The following ABCC12 variants were observed in gnomAD, a reference collection of about 807,000 sequenced individuals.
The protein encoded by ABCC12 is ATP binding cassette subfamily C member 12, also known as ATP-binding cassette sub-family C member 12.
Under a neutral mutation model 151.1 loss-of-function variants are expected in ABCC12, and 142 were observed. The ratio of observed to expected loss-of-function variants is 0.94; its 90% CI spans 0.82 to 1.08. The LOEUF (loss-of-function observed/expected upper bound fraction) is 1.08. Among genes scored for constraint, ABCC12 ranks in the 50% least tolerant of loss-of-function variants. The pLI is 0.00. For missense variants in ABCC12, 1,638 were observed against 1,691.1 expected (o/e 0.97, Z 0.55); for synonymous variants, 645 against 646.4 (o/e 1.00, Z 0.03).
In ABCC12 at chr16:48,139,258, T is replaced by C. The variant is rs140498747; in HGVS notation, c.736A>G (p.Ile246Val). ...TACGCCGCACAAAAGACCATTAGGA[T>C]CGGGATGGTGGCTGGCAAAGGACAA... is the stretch of plus-strand genomic sequence containing the variant. The part of the protein sequence containing the change: ...LFCPLPATIP[I>V]LMVFCAAYAF... Residue 246 changes from isoleucine to valine, a missense_variant, in exon 7 of 31, where the codon ATC becomes GTC. By Grantham distance (29) the Ile-to-Val change is conservative. Transcript: ENST00000311303. 2.4e-4 allele frequency: 388 copies of C among 1,613,896 alleles called. 1 individual carries two copies. The highest frequency in any genetic ancestry group is 2.8e-4 in the Non-Finnish European group (325 of 1,180,010).
chr16:48,084,962 G>A (rs547784824), intron 29 of ABCC12, among the ~76,000 whole-genome samples: 3 of 152,128 alleles, frequency 2.0e-5, no homozygotes, highest in African/African-American at 7.2e-5. Context: ...GTGAAAGGGG[G>A]CTATGCCTTA....
At chr16:48,107,769 A>G (rs1963546691) in intron 19 of ABCC12, among the ~76,000 whole-genome samples, 2 of 152,238 alleles carry the variant, frequency 1.3e-5, no homozygotes, top group Admixed American at 1.3e-4. Flanking sequence ...TGGGAAGCTG[A>G]GGCAGGCGGA....
At chr16:48,130,920 G>A in intron 9 of ABCC12, 25 bp from the exon 10 acceptor site, 1 of 1,543,394 alleles carries the variant, frequency 6.5e-7, no homozygotes, top group Non-Finnish European at 8.9e-7. Context: ...AGAAGTATGA[G>A]GGTTTAGAAG....
chr16:48,141,101 T>C, intron 5 of ABCC12, 105 bp downstream of exon 5: 3 of 1,498,424 alleles, frequency 2.0e-6, no homozygotes, highest in South Asian at 2.6e-5. Context: ...AGCGCAAAGA[T>C]AATGACAATG....
intron 15 of ABCC12, among the ~76,000 whole-genome samples, chr16:48,112,394 G>A (rs976274359): frequency 6.6e-6 from 1 of 152,058 alleles, no homozygotes; most frequent in Non-Finnish European, 1.5e-5. Context: ...TCAGGAGTTC[G>A]AGACCCACCT....
chr16:48,106,935 C>G (rs538107787), intron 20 of ABCC12, among the ~76,000 whole-genome samples: 1 of 152,316 alleles, frequency 6.6e-6, no homozygotes, highest in Non-Finnish European at 1.5e-5. Context: ...CCTTCTGGCA[C>G]TGGGCAGTGT....
At chr16:48,131,833 C>T (rs1443700993) in intron 9 of ABCC12, among the ~76,000 whole-genome samples, 1 of 152,230 alleles carries the variant, frequency 6.6e-6, no homozygotes, top group Non-Finnish European at 1.5e-5. Flanking sequence ...ATGAAAGATG[C>T]TTCTATCACA....
chr16:48,108,148 G>T (rs991922761), intron 19 of ABCC12, among the ~76,000 whole-genome samples: 4 of 152,212 alleles, frequency 2.6e-5, no homozygotes, highest in Non-Finnish European at 5.9e-5. Context: ...GCAATGGACT[G>T]GCCACTGCTG....
chr16:48,135,067 A>G (rs1964562040), intron 8 of ABCC12, among the ~76,000 whole-genome samples: 2 of 151,114 alleles, frequency 1.3e-5, no homozygotes, highest in African/African-American at 4.8e-5. Context: ...AAAAAAAAAA[A>G]GATACCCCAC....
chr16:48,091,255 T>C, intron 24 of ABCC12, 46 bp from the exon 25 acceptor site: 1 of 1,569,216 alleles, frequency 6.4e-7, no homozygotes, highest in Non-Finnish European at 8.8e-7. Flanking sequence ...CCTTCCTCCT[T>C]CGGGTTCTGC....
chr16:48,091,260 T>A (rs755520505), intron 24 of ABCC12, 51 bp from the exon 25 acceptor site: 16 of 1,531,436 alleles, frequency 1.0e-5, no homozygotes, highest in Admixed American at 1.7e-5. Context: ...CTCCTTCGGG[T>A]TCTGCAGCTC....
In ABCC12 at chr16:48,133,839, CA is replaced by C; in HGVS notation, c.980-5del. 2.5e-6 allele frequency: 4 copies of C among 1,614,090 alleles called. No homozygotes were observed. The highest frequency in any genetic ancestry group is 2.5e-6 in the Non-Finnish European group (3 of 1,179,976). On this transcript the variant is annotated splice_polypyrimidine_tract_variant and splice_region_variant and intron_variant, in intron 8 of 30. Coordinates refer to ENST00000311303, the MANE Select transcript of ABCC12 (RefSeq NM_001393797.1). ...TTTCTTTCCCTCCTTCTTATATCTG[CA>C]AAATAGAACACAGTCCAAGGTGGTC...
At chr16:48,125,546 G>C (rs1037795113) in intron 11 of ABCC12, among the ~76,000 whole-genome samples, 1 of 152,150 alleles carries the variant, frequency 6.6e-6, no homozygotes, top group Non-Finnish European at 1.5e-5. Context: ...GGTGCCATGG[G>C]GTATCTGGGG....
In ABCC12 at chr16:48,117,347, G is replaced by A; in HGVS notation, c.1713-14C>T. On this transcript the variant is annotated splice_polypyrimidine_tract_variant and intron_variant, in intron 13 of 30. Coordinates refer to ENST00000311303, the MANE Select transcript of ABCC12 (RefSeq NM_001393797.1). Reference sequence around the variant, plus strand: ...GTGTGCTGATACCTGTTGGTGCAAAGCTCAGAAGTAGCTGGGTGAGAAAGA... The same window carrying A: ...GTGTGCTGATACCTGTTGGTGCAAAACTCAGAAGTAGCTGGGTGAGAAAGA... The A allele has an allele frequency of 6.2e-6, 10 of 1,612,936 alleles. No homozygotes were observed. The highest frequency in any genetic ancestry group is 8.5e-6 in the Non-Finnish European group (10 of 1,179,696).
At position 48,087,919 on chromosome 16, in the gene ABCC12, C is replaced by T; in HGVS notation, c.3635+7G>A. On this transcript the variant is annotated splice_region_variant and intron_variant, in intron 27 of 30. Transcript: ENST00000311303. Reference sequence around the variant, plus strand: ...AATAGAAATGCACAATGATTAAAAACAGCTACCTTACTGTACCTACAAACA... The same window carrying T: ...AATAGAAATGCACAATGATTAAAAATAGCTACCTTACTGTACCTACAAACA... 2 of 1,605,342 alleles carry T rather than the reference C, an allele frequency of 1.2e-6. No individual in the cohort carries two copies. The highest frequency in any genetic ancestry group is 1.3e-5 in the African/African-American group (1 of 74,542).
At chr16:48,139,080 G>C in intron 7 of ABCC12, 83 bp downstream of exon 7, 1 of 1,447,982 alleles carries the variant, frequency 6.9e-7, no homozygotes, top group Admixed American at 2.4e-5. Context: ...TCATGCGCCA[G>C]AAATGCAGCC....
chr16:48,117,516 C>G (rs2079092195), intron 13 of ABCC12, among the ~76,000 whole-genome samples, 183 bp from the exon 14 acceptor site: 2 of 152,250 alleles, frequency 1.3e-5, no homozygotes, highest in African/African-American at 4.8e-5. Flanking sequence ...CCAGTGACCA[C>G]TGGCCCCTCC....
intron 21 of ABCC12, among the ~76,000 whole-genome samples, chr16:48,104,688 G>C (rs1191343220): frequency 1.3e-5 from 2 of 152,316 alleles, no homozygotes; most frequent in East Asian, 1.9e-4. Context: ...GTGCCCCATG[G>C]CAATAAAAAG....
intron 10 of ABCC12, among the ~76,000 whole-genome samples, chr16:48,128,968 A>T (rs1267103823): frequency 6.6e-6 from 1 of 152,200 alleles, no homozygotes; most frequent in Non-Finnish European, 1.5e-5. Context: ...TGGGTCACCC[A>T]CACTGGAGAA....
Sources: allele counts gnomAD v4.1 joint callset (sites outside exome capture counted in the v4.1 genomes callset), GRCh38; gene constraint gnomAD v4.1.1; transcripts MANE v1.5; gene names NCBI Gene and HGNC (gene_info 2026-07-23, HGNC 2026-07-21).